The following MAP1B variants were observed in gnomAD, a reference collection of about 807,000 sequenced individuals.
The protein encoded by MAP1B is microtubule-associated protein 1B.
In MAP1B, 12 loss-of-function variants were observed where a neutral mutation model predicts 176.1. The ratio of observed to expected loss-of-function variants is 0.07; its 90% CI spans 0.04 to 0.11. The LOEUF (loss-of-function observed/expected upper bound fraction) is 0.11, where lower values mean the gene tolerates loss of function less well. MAP1B is among the 10% of genes least tolerant of loss of function. The pLI is 1.00. For missense variants in MAP1B, 2,523 were observed against 2,990.5 expected, an observed-to-expected ratio of 0.84 and a Z score of 3.65; for synonymous variants, 1,044 against 1,135.0, an observed-to-expected ratio of 0.92 and a Z score of 1.61.
chr5:72,149,800 A>G (rs1456814322), intron 2 of MAP1B, among the ~76,000 whole-genome samples: 2 of 152,214 alleles, frequency 1.3e-5, no homozygotes, highest in African/African-American at 2.4e-5. Context: ...GATACACCCT[A>G]TATCCAGGAG....
At chr5:72,155,603 A>C (rs541468181) in intron 2 of MAP1B, among the ~76,000 whole-genome samples, 2 of 152,290 alleles carry the variant, frequency 1.3e-5, no homozygotes, top group Admixed American at 1.3e-4. Context: ...TCCCAGCATC[A>C]GTGGAGTCAG....
rs148313643 is a variant in MAP1B at position 72,196,901 on chromosome 5, G to A, written c.3546G>A (p.Pro1182=). The change falls in exon 5 of 7, where the codon CCG becomes CCA. Residue 1182 remains proline (P), a synonymous_variant. Coordinates refer to ENST00000296755, the MANE Select transcript of MAP1B (RefSeq NM_005909.5). This position sits in a 1 kb window ranked among gnomAD's most constrained non-coding sequence, Gnocchi z 5.3. ...QEYSKPADVT[P]LNGFSEGSKT... ...ACTCTAAACCTGCTGATGTTACACCGCTCAACGGATTTTCTGAAGGATCAA... is the reference window on the plus strand; with the variant it reads ...ACTCTAAACCTGCTGATGTTACACCACTCAACGGATTTTCTGAAGGATCAA... 2,547 of 1,614,116 alleles carry A rather than the reference G, an allele frequency of 1.6e-3. 1 individual carries two copies. The highest frequency in any genetic ancestry group is 2.1e-3 in the Non-Finnish European group (2,429 of 1,179,998).
intron 1 of MAP1B, among the ~76,000 whole-genome samples, chr5:72,108,690 C>G (rs530259492): frequency 2.0e-5 from 3 of 152,124 alleles, no homozygotes; most frequent in African/African-American, 4.8e-5. Context: ...CCTGCCCCCC[C>G]ACACTGCGGC....
chr5:72,151,394 A>G (rs1477791218), intron 2 of MAP1B, among the ~76,000 whole-genome samples: 1 of 152,208 alleles, frequency 6.6e-6, no homozygotes, highest in African/African-American at 2.4e-5. Context: ...TTTGGCAAGA[A>G]CAAACAAGTC....
At position 72,107,544 on chromosome 5, in the gene MAP1B, G is replaced by T; in HGVS notation, c.13G>T (p.Val5Leu). The stretch of plus-strand genomic sequence containing the variant: ...AGCAGCCGGCAGGATGGCGACCGTG[G>T]TGGTGGAAGCCACCGAGCCGGAGCC... Reference protein sequence around the residue: MATVVVEATEPEPSG... With the variant: MATVLVEATEPEPSG... Residue 5 changes from valine (V) to leucine (L), a missense_variant, in exon 1 of 7, where the codon GTG becomes TTG. Transcript: ENST00000296755. 6.4e-7 allele frequency: 1 copy of T among 1,571,446 alleles called. No individual in the cohort carries two copies. Among genetic ancestry groups the T allele is most frequent in the Non-Finnish European group, 8.6e-7 (1 of 1,163,630 alleles).
rs540321892 is a variant in MAP1B at position 72,134,577 on chromosome 5, AT to A, written c.286+18790del. Among the ~76,000 whole-genome samples, 953 of 147,872 alleles carry A rather than the reference AT, an allele frequency of 6.4e-3. 7 individuals are homozygous for A. Among genetic ancestry groups the A allele is most frequent in the African/African-American group, 0.021 (847 of 40,514 alleles). ...AGCTGTTGTCTTACCACATAGGAGA[AT>A]TTTTTTTTTTTAAAGAAAACTTGAA... On this transcript the variant is annotated intron_variant, in intron 2 of 6. Transcript: ENST00000296755.
At chr5:72,165,656 G>A (rs1218743794) in intron 2 of MAP1B, among the ~76,000 whole-genome samples, 2 of 152,120 alleles carry the variant, frequency 1.3e-5, no homozygotes, top group Non-Finnish European at 2.9e-5. Context: ...ATGATCATTA[G>A]TTCACTTAGC....
intron 1 of MAP1B, among the ~76,000 whole-genome samples, chr5:72,113,092 C>T (rs79173753): frequency 1.3e-5 from 2 of 152,140 alleles, no homozygotes; most frequent in African/African-American, 4.8e-5. Flanking sequence ...CTACTAAATG[C>T]AATATGAACC....
Position 72,205,000 on chromosome 5 carries a change from G to C in MAP1B, c.7252-84G>C. On this transcript the variant is annotated intron_variant, in intron 6 of 6. Transcript: ENST00000296755. This position sits in a 1 kb window ranked among gnomAD's most constrained non-coding sequence, Gnocchi z 4.4. ...CTCTCATTTCCCTTCTTCTTCCAGT[G>C]GTCTAATACCTTGCTATTCAATTTT... The C allele has an allele frequency of 9.7e-7, 1 of 1,033,802 alleles. No individual in the cohort carries two copies. The highest frequency in any genetic ancestry group is 1.6e-5 in the South Asian group (1 of 61,248). The allele number at this position is 1,033,802 out of a possible 1,614,324, so 64.0% of individuals were successfully genotyped here. A position where few individuals can be genotyped will look rare whatever the true frequency, so the allele number is the denominator to read the frequency against.
intron 2 of MAP1B, among the ~76,000 whole-genome samples, chr5:72,156,633 C>T (rs983367390): frequency 2.0e-5 from 3 of 152,152 alleles, no homozygotes; most frequent in African/African-American, 7.2e-5. Flanking sequence ...CCATATGTTA[C>T]CCCATTTAAA....
intron 3 of MAP1B, among the ~76,000 whole-genome samples, chr5:72,184,547 A>G (rs1746849935): frequency 6.6e-6 from 1 of 152,254 alleles, no homozygotes; most frequent in South Asian, 2.1e-4. Context: ...TATTACCACC[A>G]TATGAAACTG....
At chr5:72,123,745 A>G (rs572604500) in intron 2 of MAP1B, among the ~76,000 whole-genome samples, 1 of 152,050 alleles carries the variant, frequency 6.6e-6, no homozygotes, top group East Asian at 1.9e-4. Flanking sequence ...CGGCCTCCCA[A>G]AGTGCTGGGA....
At chr5:72,141,915 T>C (rs1021856465) in intron 2 of MAP1B, among the ~76,000 whole-genome samples, 10 of 152,230 alleles carry the variant, frequency 6.6e-5, no homozygotes, top group Non-Finnish European at 1.0e-4. Flanking sequence ...CTGGCTGACC[T>C]TCCCTGCATC....
intron 2 of MAP1B, among the ~76,000 whole-genome samples, chr5:72,177,993 T>A (rs1411085695): frequency 6.6e-6 from 1 of 152,048 alleles, no homozygotes; most frequent in Non-Finnish European, 1.5e-5. Context: ...TTCCTTCTAA[T>A]GAAAAGAGAC....
intron 1 of MAP1B, among the ~76,000 whole-genome samples, chr5:72,108,608 GCCTCGGGCGCAC>G (rs1745199788): frequency 6.6e-6 from 1 of 152,184 alleles, no homozygotes; most frequent in Non-Finnish European, 1.5e-5. Context: ...GGCGGGCACA[GCCTCGGGCGCAC>G]AGAGAGACCG....
At chr5:72,118,487 A>G (rs1401083485) in intron 2 of MAP1B, among the ~76,000 whole-genome samples, 1 of 152,242 alleles carries the variant, frequency 6.6e-6, no homozygotes, top group Non-Finnish European at 1.5e-5. Flanking sequence ...CAAAACAAAT[A>G]CAGTCATTAC....
chr5:72,142,410 T>C (rs1221775408), intron 2 of MAP1B, among the ~76,000 whole-genome samples: 1 of 152,206 alleles, frequency 6.6e-6, no homozygotes, highest in African/African-American at 2.4e-5. Flanking sequence ...AAAATTCCGC[T>C]ATGTGGTTTA....
intron 2 of MAP1B, among the ~76,000 whole-genome samples, chr5:72,143,559 C>T (rs765320336): frequency 6.6e-6 from 1 of 152,180 alleles, no homozygotes; most frequent in Non-Finnish European, 1.5e-5. Flanking sequence ...TATCCTCCCT[C>T]GATATCACAC....
At chr5:72,124,504 G>T (rs908799410) in intron 2 of MAP1B, among the ~76,000 whole-genome samples, 2 of 152,176 alleles carry the variant, frequency 1.3e-5, no homozygotes, top group African/African-American at 4.8e-5. Flanking sequence ...AAAAGCTAGG[G>T]TAGTGTTTTA....
Sources: allele counts gnomAD v4.1 joint callset (sites outside exome capture counted in the v4.1 genomes callset), GRCh38; gene constraint gnomAD v4.1.1; non-coding constraint Gnocchi (gnomAD v3.1); transcripts MANE v1.5; gene names NCBI Gene and HGNC (gene_info 2026-07-23, HGNC 2026-07-21).